Variants in SAMD5 observed in about 807,000 individuals in gnomAD.
SAMD5 encodes the protein sterile alpha motif domain containing 5.
SAMD5 carries 13 observed loss-of-function variants against 11.3 expected under a neutral mutation model. The observed-to-expected ratio is 1.15, with a 90% CI of 0.75 to 1.83. The LOEUF is 1.83. SAMD5 is among the 40% of genes most tolerant of loss of function. SAMD5 has a pLI of 0.00. For missense variants in SAMD5, 255 were observed against 239.1 expected (o/e 1.07, Z -0.44); for synonymous variants, 129 against 111.3 (o/e 1.16, Z -1.00).
At chr6:147,785,087 A>G in the SAMD5 span, among the ~76,000 whole-genome samples, 1 of 152,196 alleles carries the variant, frequency 6.6e-6, no homozygotes, top group Non-Finnish European at 1.5e-5. Context: ...ATATCTACTT[A>G]TTTCTCAAAA....
chr6:147,647,480 C>G (rs1790423278), intron 1 of SAMD5, among the ~76,000 whole-genome samples: 1 of 152,042 alleles, frequency 6.6e-6, no homozygotes, highest in African/African-American at 2.4e-5. Flanking sequence ...GTCCGAGTTT[C>G]AGGTGCCAGT....
At chr6:147,736,230 G>A (rs1254038210) in intron 1 of SAMD5, among the ~76,000 whole-genome samples, 13 of 152,164 alleles carry the variant, frequency 8.5e-5, no homozygotes, top group African/African-American at 2.4e-5. Flanking sequence ...CAGACTAAGC[G>A]AGTTGATAAT....
chr6:147,711,747 A>T lies in SAMD5; in HGVS notation c.163-25570A>T, dbSNP rs1041560896. 1.3e-5 allele frequency among the ~76,000 whole-genome samples: 2 copies of T among 152,222 alleles called. No individual in the cohort carries two copies. The highest frequency in any genetic ancestry group is 4.8e-5 in the African/African-American group (2 of 41,446). On this transcript the variant is annotated intron_variant, in intron 1 of 1. Transcript: ENST00000566741. This position sits in a 1 kb window ranked among gnomAD's most constrained non-coding sequence, Gnocchi z 4.1. ...AGTTTGTGGTATCCAGAAACCGGGA[A>T]ATATGTTTGTGTTGTGAGTTCCTTA...
chr6:147,564,114 A>C (rs917582865), intron 1 of SAMD5, among the ~76,000 whole-genome samples: 1 of 151,966 alleles, frequency 6.6e-6, no homozygotes, highest in African/African-American at 2.4e-5. Flanking sequence ...ATTTTTTTTT[A>C]AGTTTCCACC....
At chr6:147,798,640 G>T in the SAMD5 span, among the ~76,000 whole-genome samples, 1 of 152,032 alleles carries the variant, frequency 6.6e-6, no homozygotes, top group Non-Finnish European at 1.5e-5. Context: ...TTTTTGTCTC[G>T]TTGATCTGTC....
At chr6:147,786,289 G>T in the SAMD5 span, among the ~76,000 whole-genome samples, 2 of 152,146 alleles carry the variant, frequency 1.3e-5, no homozygotes, top group South Asian at 4.1e-4. Context: ...TTATTTAATT[G>T]TAAACATTCC....
intron 1 of SAMD5, among the ~76,000 whole-genome samples, chr6:147,555,869 A>G (rs888293290): frequency 6.6e-6 from 1 of 152,108 alleles, no homozygotes; most frequent in African/African-American, 2.4e-5. Flanking sequence ...GTCTGTTCAG[A>G]TACTCCCTAC....
chr6:147,933,958 T>G, the SAMD5 span, among the ~76,000 whole-genome samples: 3 of 152,242 alleles, frequency 2.0e-5, no homozygotes, highest in African/African-American at 7.2e-5. Context: ...AACTTAATAC[T>G]GCTCTTTAAA....
the SAMD5 span, among the ~76,000 whole-genome samples, chr6:147,913,266 T>C: frequency 6.6e-6 from 1 of 152,204 alleles, no homozygotes; most frequent in Non-Finnish European, 1.5e-5. Context: ...TCTGACTACC[T>C]GTCCTCAGTA....
chr6:147,944,367 G>C, the SAMD5 span, among the ~76,000 whole-genome samples: 13 of 152,146 alleles, frequency 8.5e-5, no homozygotes, highest in Admixed American at 1.3e-4. Context: ...CCTCTTACAC[G>C]GATGGCAGCA....
At chr6:147,510,051 G>A (rs1446931450) in intron 1 of SAMD5, among the ~76,000 whole-genome samples, 1 of 152,220 alleles carries the variant, frequency 6.6e-6, no homozygotes, top group Non-Finnish European at 1.5e-5. Context: ...TCGGGCCACA[G>A]GATGTGCTTC....
intron 1 of SAMD5, among the ~76,000 whole-genome samples, chr6:147,529,190 C>T (rs1386058796): frequency 6.6e-6 from 1 of 152,128 alleles, no homozygotes; most frequent in Non-Finnish European, 1.5e-5. Flanking sequence ...TATTCACAGG[C>T]ATGTTAGCAA....
intron 1 of SAMD5, among the ~76,000 whole-genome samples, chr6:147,623,985 T>C (rs1790010835): frequency 6.6e-6 from 1 of 152,148 alleles, no homozygotes; most frequent in African/African-American, 2.4e-5. Context: ...TTCTCCTGCC[T>C]CAGCCTCCCA....
chr6:147,654,313 A>G (rs1448361630), intron 1 of SAMD5, among the ~76,000 whole-genome samples: 2 of 152,264 alleles, frequency 1.3e-5, no homozygotes, highest in African/African-American at 2.4e-5. Flanking sequence ...TCTCTTTCAC[A>G]CATAAATACA....
chr6:147,888,844 C>T, the SAMD5 span, among the ~76,000 whole-genome samples: 3 of 150,288 alleles, frequency 2.0e-5, no homozygotes, highest in African/African-American at 7.4e-5. Flanking sequence ...AAGACCGTGC[C>T]ATTGCACTCC....
chr6:147,635,931 G>A (rs533398772), intron 1 of SAMD5, among the ~76,000 whole-genome samples: 87 of 152,340 alleles, frequency 5.7e-4, no homozygotes, highest in African/African-American at 1.9e-3. Context: ...CTGCTGGGTT[G>A]GGGTGGTTGT....
chr6:147,952,564 G>A, the SAMD5 span, among the ~76,000 whole-genome samples: 9 of 152,226 alleles, frequency 5.9e-5, no homozygotes, highest in Admixed American at 5.2e-4. Flanking sequence ...AGGCTGGAGT[G>A]CAGAGACGTG....
the SAMD5 span, among the ~76,000 whole-genome samples, chr6:147,795,856 A>C: frequency 6.6e-6 from 1 of 151,982 alleles, no homozygotes; most frequent in Admixed American, 6.6e-5. Flanking sequence ...TGGCTGCATA[A>C]ATGTGTTCTT....
chr6:147,691,175 G>A (rs1192739030), intron 1 of SAMD5, among the ~76,000 whole-genome samples: 1 of 152,058 alleles, frequency 6.6e-6, no homozygotes, highest in Non-Finnish European at 1.5e-5. Context: ...TGTATTTTTA[G>A]TAGAGACACA....
Sources: gnomAD v4.1 joint callset for allele counts (sites outside exome capture counted in the v4.1 genomes callset) on GRCh38, gnomAD v4.1.1 for gene constraint, Gnocchi (gnomAD v3.1) non-coding constraint, MANE v1.5 for transcripts, NCBI Gene and HGNC (gene_info 2026-07-23, HGNC 2026-07-21) for gene names.